Variants in CNTN4 observed in about 807,000 individuals in gnomAD.
CNTN4 encodes contactin 4, also known as contactin-4.
Under a neutral mutation model 122.5 loss-of-function variants are expected in CNTN4, and 77 were observed. That is an observed-to-expected ratio of 0.63 (90% CI 0.52 to 0.76). The LOEUF (loss-of-function observed/expected upper bound fraction) is 0.76. Among genes scored for constraint, CNTN4 ranks in the 30% least tolerant of loss-of-function variants. CNTN4 has a pLI of 0.00. For synonymous variants in CNTN4, 512 were observed against 447.0 expected (o/e 1.15, Z -1.83); for missense variants, 1,256 against 1,259.1 (o/e 1.00, Z 0.04).
At chr3:2,838,954 G>A (rs1158492438) in intron 7 of CNTN4, among the ~76,000 whole-genome samples, 1 of 152,116 alleles carries the variant, frequency 6.6e-6, no homozygotes, top group Non-Finnish European at 1.5e-5. Context: ...ACTCATAGGG[G>A]GTTCATGAAA....
intron 2 of CNTN4, among the ~76,000 whole-genome samples, chr3:2,265,426 T>G (rs1192146981): frequency 6.6e-6 from 1 of 152,104 alleles, no homozygotes; most frequent in African/African-American, 2.4e-5. Flanking sequence ...CATTTATCTG[T>G]TTTTATGCCA....
chr3:3,002,240 C>T (rs1696125505), intron 14 of CNTN4, among the ~76,000 whole-genome samples: 1 of 152,174 alleles, frequency 6.6e-6, no homozygotes, highest in Admixed American at 6.5e-5. Context: ...TGCTAAGCTT[C>T]AGCTCCAGAA....
chr3:2,472,577 T>C (rs1224015863), intron 3 of CNTN4, among the ~76,000 whole-genome samples: 1 of 152,126 alleles, frequency 6.6e-6, no homozygotes, highest in African/African-American at 2.4e-5. Flanking sequence ...GCAAGATTAT[T>C]TTGGAAATGA....
chr3:2,884,518 A>T (rs2150994021), intron 9 of CNTN4, among the ~76,000 whole-genome samples: 1 of 152,340 alleles, frequency 6.6e-6, no homozygotes, highest in Non-Finnish European at 1.5e-5. Flanking sequence ...TACAGACATT[A>T]AAAGTCAAGT....
At chr3:2,287,761 AAGAAGAAGAAGAAGAAG>A (rs2041991905) in intron 2 of CNTN4, among the ~76,000 whole-genome samples, 1 of 144,584 alleles carries the variant, frequency 6.9e-6, no homozygotes, top group Non-Finnish European at 1.5e-5. Context: ...GAAGAAGAAG[AAGAAGAAGAAGAAGAAG>A]GAGAAGAAGA....
At chr3:2,209,751 G>A (rs1256215459) in intron 2 of CNTN4, among the ~76,000 whole-genome samples, 1 of 152,086 alleles carries the variant, frequency 6.6e-6, no homozygotes, top group Non-Finnish European at 1.5e-5. Flanking sequence ...GAAGTAATAA[G>A]TACAACTTCT....
intron 4 of CNTN4, among the ~76,000 whole-genome samples, chr3:2,634,925 A>G (rs1043653669): frequency 1.3e-4 from 20 of 152,130 alleles, no homozygotes; most frequent in Non-Finnish European, 8.8e-5. Context: ...TCTAAAAAAA[A>G]GAAATCCAGT....
intron 12 of CNTN4, among the ~76,000 whole-genome samples, chr3:2,907,670 A>G (rs1321460108): frequency 2.0e-5 from 3 of 152,160 alleles, no homozygotes; most frequent in Admixed American, 6.5e-5. Context: ...CTCCAATGCT[A>G]TAGAGGAGAT....
intron 13 of CNTN4, among the ~76,000 whole-genome samples, chr3:2,932,247 G>C (rs1037460276): frequency 2.0e-5 from 3 of 152,172 alleles, no homozygotes; most frequent in Admixed American, 1.3e-4. Flanking sequence ...GCGTGGTGGT[G>C]GGCGCCTGTA....
chr3:2,867,922 A>G (rs112896637), intron 8 of CNTN4, among the ~76,000 whole-genome samples: 4 of 152,318 alleles, frequency 2.6e-5, no homozygotes, highest in African/African-American at 9.6e-5. Context: ...CAACTGGTAC[A>G]TCGAAGATTC....
At chr3:3,024,160 T>G (rs1287192566) in intron 14 of CNTN4, among the ~76,000 whole-genome samples, 1 of 152,078 alleles carries the variant, frequency 6.6e-6, no homozygotes, top group Non-Finnish European at 1.5e-5. Flanking sequence ...AATGAAAATC[T>G]AAATTGCAGA....
intron 13 of CNTN4, among the ~76,000 whole-genome samples, chr3:2,928,534 A>C (rs17022779): frequency 0.017 from 2,517 of 152,326 alleles, 73 homozygotes; most frequent in African/African-American, 0.057. Flanking sequence ...CACAGCTTTG[A>C]GTAATAATTT....
At chr3:2,704,932 T>C (rs2086568659) in intron 4 of CNTN4, among the ~76,000 whole-genome samples, 2 of 152,264 alleles carry the variant, frequency 1.3e-5, no homozygotes, top group Admixed American at 1.3e-4. Context: ...TGAGTGATGA[T>C]AGGATCAAAG....
intron 3 of CNTN4, among the ~76,000 whole-genome samples, chr3:2,460,175 TCCTATGTATAGTTTATCA>T (rs1378876013): frequency 6.6e-6 from 1 of 152,140 alleles, no homozygotes; most frequent in African/African-American, 2.4e-5. Flanking sequence ...GGATTTCTTA[TCCTATGTATAGTTTATCA>T]CCACGGTTGC....
chr3:2,368,029 C>CTTTTTTTTTT (rs549023861), intron 3 of CNTN4, among the ~76,000 whole-genome samples: 1 of 109,818 alleles, frequency 9.1e-6, no homozygotes. Flanking sequence ...TAGAAAACTT[C>CTTTTTTTTTT]TTTTTTTTTT....
At chr3:2,775,435 T>G (rs968133101) in intron 6 of CNTN4, among the ~76,000 whole-genome samples, 13 of 152,186 alleles carry the variant, frequency 8.5e-5, no homozygotes, top group African/African-American at 3.1e-4. Context: ...TTTATTATTC[T>G]TATTATTTTT....
chr3:2,416,889 T>C (rs2047436144), intron 3 of CNTN4, among the ~76,000 whole-genome samples: 1 of 151,844 alleles, frequency 6.6e-6, no homozygotes, highest in African/African-American at 2.4e-5. Flanking sequence ...CTCCTGACCT[T>C]GTGATCCACC....
intron 3 of CNTN4, among the ~76,000 whole-genome samples, chr3:2,500,153 G>T (rs2076558027): frequency 6.6e-6 from 1 of 151,868 alleles, no homozygotes; most frequent in African/African-American, 2.4e-5. Context: ...ATGAATATTG[G>T]ACTTTAAAAG....
intron 3 of CNTN4, among the ~76,000 whole-genome samples, chr3:2,523,367 AAAAAAC>A (rs2077288394): frequency 7.0e-6 from 1 of 143,258 alleles, no homozygotes. Flanking sequence ...AAAAAAAAAA[AAAAAAC>A]AAAACTTTTT....
Sources: gnomAD v4.1 joint callset for allele counts (sites outside exome capture counted in the v4.1 genomes callset) on GRCh38, gnomAD v4.1.1 for gene constraint, MANE v1.5 for transcripts, NCBI Gene and HGNC (gene_info 2026-07-23, HGNC 2026-07-21) for gene names.